The following ANAPC2 variants were observed in gnomAD, a reference collection of about 807,000 sequenced individuals.
The protein encoded by ANAPC2 is anaphase-promoting complex subunit 2.
In ANAPC2, 29 loss-of-function variants were observed where a neutral mutation model predicts 84.3. The observed-to-expected ratio is 0.34, with a 90% CI of 0.26 to 0.47. The LOEUF is 0.47. ANAPC2 is among the 20% of genes least tolerant of loss of function. The pLI, the probability that ANAPC2 is intolerant of heterozygous loss-of-function variation, is 1.00. For missense variants in ANAPC2, 857 were observed against 1,131.7 expected, an observed-to-expected ratio of 0.76 and a Z score of 3.48; for synonymous variants, 571 against 479.4, an observed-to-expected ratio of 1.19 and a Z score of -2.50.
At chr9:137,185,154 G>A in intron 3 of ANAPC2, 67 bp from the exon 4 acceptor site, 1 of 1,419,722 alleles carries the variant, frequency 7.0e-7, no homozygotes, top group Non-Finnish European at 9.3e-7. Flanking sequence ...TCAGAGGCTG[G>A]GAGGAGCCTC....
At chr9:137,180,660 C>CA in intron 8 of ANAPC2, 128 bp downstream of exon 8, 1 of 1,563,860 alleles carries the variant, frequency 6.4e-7, no homozygotes, top group Non-Finnish European at 8.7e-7. Flanking sequence ...AGCACACCCC[C>CA]AGCCAGGAGT....
rs369701679 is a variant in ANAPC2 at position 137,185,034 on chromosome 9, G to A, written c.927C>T (p.Pro309=). Reference sequence around the variant, plus strand: ...CGGCCTCGGGAGATGCGGGCCTGGCGGGGCCGTCCTGCAGGAACACCTTGC... The same window carrying A: ...CGGCCTCGGGAGATGCGGGCCTGGCAGGGCCGTCCTGCAGGAACACCTTGC... The part of the protein sequence containing the change: ...WLGKVFLQDG[P]ARPASPEAGN... The change falls in exon 4 of 13, where the codon CCC becomes CCT. Residue 309 remains proline, a synonymous_variant. Coordinates refer to ENST00000323927, the MANE Select transcript of ANAPC2 (RefSeq NM_013366.4). The A allele has an allele frequency of 3.3e-4, 520 of 1,584,576 alleles. 1 individual carries two copies. Among genetic ancestry groups the A allele is most frequent in the Non-Finnish European group, 4.0e-4 (468 of 1,167,532 alleles).
Position 137,187,910 on chromosome 9 carries a change from T to C in ANAPC2, c.311A>G (p.Glu104Gly), listed in dbSNP as rs2131343511. Residue 104 changes from glutamate to glycine, a missense_variant, in exon 2 of 13, where the codon GAG (glutamate) becomes GGG (glycine). Glu to Gly is a moderately conservative substitution (Grantham distance 98). Transcript: ENST00000323927. Reference sequence around the variant, plus strand: ...AAGGAGTAGCAAAAGGCACTGGGGCTCATCCGCAGAGTTCTCGCATTGGGA... The same window carrying C: ...AAGGAGTAGCAAAAGGCACTGGGGCCCATCCGCAGAGTTCTCGCATTGGGA... Reference protein sequence around the residue: ...AISQCENSADEPQCLLLLLDA... With the variant: ...AISQCENSADGPQCLLLLLDA... The C allele has an allele frequency of 6.2e-7, 1 of 1,613,798 alleles. No individual in the cohort carries two copies. The highest frequency in any genetic ancestry group is 1.3e-5 in the African/African-American group (1 of 75,038).
intron 4 of ANAPC2, among the ~76,000 whole-genome samples, chr9:137,184,154 G>A (rs1834403951): frequency 6.6e-6 from 1 of 152,260 alleles, no homozygotes; most frequent in African/African-American, 2.4e-5. Flanking sequence ...CCCCCTGCAA[G>A]AGCGACAGCG....
chr9:137,177,020 A>T (rs1474814198), intron 10 of ANAPC2: 18 of 152,240 alleles, frequency 1.2e-4, no homozygotes. Flanking sequence ...TTTGCTAGAC[A>T]TGAGGTGTGA....
In ANAPC2 at chr9:137,187,364, G is replaced by C. The variant is rs1231795686; in HGVS notation, c.740+117C>G. On this transcript the variant is annotated intron_variant, in intron 2 of 12. Coordinates refer to ENST00000323927, the MANE Select transcript of ANAPC2 (RefSeq NM_013366.4). ...CAGGAATCCCTGGGACTCTCTCTCT[G>C]TCATGTTCCTGGTTATCAGGACGGC... is the stretch of plus-strand genomic sequence containing the variant. The C allele has an allele frequency of 3.7e-6, 5 of 1,350,914 alleles. No individual in the cohort carries two copies. In the African/African-American group the frequency reaches 5.9e-5, roughly 16 times the overall value. 83.7% of individuals were successfully genotyped at this position (1,350,914 alleles called of 1,614,324 possible).
At position 137,186,142 on chromosome 9, in the gene ANAPC2, G is replaced by A. The variant is rs1834462916; in HGVS notation, c.873+82C>T. Reference sequence around the variant, plus strand: ...CCACCCAGGCCTCCGTGCTCTGGATGCTTCTGAAGCCAGGTGTCAGGTTTG... The same window carrying A: ...CCACCCAGGCCTCCGTGCTCTGGATACTTCTGAAGCCAGGTGTCAGGTTTG... On this transcript the variant is annotated intron_variant, in intron 3 of 12. Transcript: ENST00000323927. 5.7e-6 allele frequency: 9 copies of A among 1,568,960 alleles called. No individual in the cohort carries two copies. The East Asian group carries it at 2.0e-4, about 36-fold the overall frequency.
At position 137,180,803 on chromosome 9, in the gene ANAPC2, C is replaced by T; in HGVS notation, c.1595G>A (p.Ser532Asn). 6.2e-7 allele frequency: 1 copy of T among 1,611,932 alleles called. No individual in the cohort carries two copies. The highest frequency in any genetic ancestry group is 1.1e-5 in the South Asian group (1 of 91,080). Reference protein sequence around the residue: ...LLADRLLHQFSFSPEREIRNV... With the variant: ...LLADRLLHQFNFSPEREIRNV... The stretch of plus-strand genomic sequence containing the variant: ...CAGGCCTCACCGCTCGGGGCTGAAG[C>T]TGAACTGGTGCAGCAGGCGGTCGGC... The change falls in exon 8 of 13, where the codon AGC becomes AAC. Residue 532 changes from serine (S) to asparagine (N), a missense_variant. Around this residue, in one of 3 missense-constraint regions of ANAPC2, gnomAD observed 425 missense variants for 595.5 expected, o/e 0.71. Coordinates refer to ENST00000323927, the MANE Select transcript of ANAPC2 (RefSeq NM_013366.4).
At chr9:137,182,040 A>G (rs1046591288) in intron 6 of ANAPC2, among the ~76,000 whole-genome samples, 178 bp from the exon 7 acceptor site, 2 of 152,040 alleles carry the variant, frequency 1.3e-5, no homozygotes, top group African/African-American at 4.8e-5. Context: ...AAATAAACCC[A>G]ACGTTACTTG....
intron 3 of ANAPC2, 102 bp downstream of exon 3, chr9:137,186,122 C>T: frequency 6.6e-7 from 1 of 1,525,500 alleles, no homozygotes; most frequent in African/African-American, 1.4e-5. Flanking sequence ...TGGGCCCACC[C>T]AGGCCTCCGT....
chr9:137,174,937 A>G lies in ANAPC2; in HGVS notation c.*5T>C, dbSNP rs1198509405. ...TGGCGGGCGGGCGGGCGGGCGGGCGATGTGTCAGCTGCAGTTCTTGGGCAG... is the reference window on the plus strand; with the variant it reads ...TGGCGGGCGGGCGGGCGGGCGGGCGGTGTGTCAGCTGCAGTTCTTGGGCAG... On this transcript the variant is annotated 3_prime_UTR_variant, in exon 13 of 13. Transcript: ENST00000323927. The surrounding 1 kb of genome is among the most constrained non-coding windows in gnomAD (Gnocchi z 6.1). The G allele has an allele frequency of 1.3e-6, 2 of 1,534,198 alleles. No individual in the cohort carries two copies. The highest frequency in any genetic ancestry group is 1.4e-5 in the African/African-American group (1 of 73,000).
chr9:137,181,732 C>T lies in ANAPC2; in HGVS notation c.1417G>A (p.Asp473Asn), dbSNP rs765313489. 6.9e-5 allele frequency: 112 copies of T among 1,612,222 alleles called. No individual in the cohort carries two copies. Among genetic ancestry groups the T allele is most frequent in the Non-Finnish European group, 9.3e-5 (110 of 1,179,802 alleles). ...SLETGQDSED[D>N]SGEPEDWVPD... ...ACCCAGTCCTCTGGCTCGCCTGAGT[C>T]ATCCTCACTGTCCTGGCCTGTCTCC... Residue 473 changes from aspartate to asparagine, a missense_variant, in exon 7 of 13, where the codon GAC becomes AAC. By Grantham distance (23) the Asp-to-Asn change is conservative (BLOSUM62 1). Around this residue, in one of 3 missense-constraint regions of ANAPC2, gnomAD observed 425 missense variants for 595.5 expected, o/e 0.71. Transcript: ENST00000323927.
chr9:137,179,964 C>T (rs919772563), intron 10 of ANAPC2, among the ~76,000 whole-genome samples: 1 of 152,252 alleles, frequency 6.6e-6, no homozygotes, highest in Non-Finnish European at 1.5e-5. Context: ...GTGGGCCGCG[C>T]GGACGCTCGC....
intron 5 of ANAPC2, 147 bp downstream of exon 5, chr9:137,183,525 A>G: frequency 1.6e-6 from 2 of 1,256,728 alleles, no homozygotes; most frequent in Non-Finnish European, 2.1e-6. Flanking sequence ...CAGATCCCCT[A>G]AGGACCTCAC....
intron 10 of ANAPC2, chr9:137,176,141 G>GTGGAAATGTGGCCATATTTGCAAA: frequency 1.0e-4 from 28 of 281,058 alleles, no homozygotes; most frequent in African/African-American, 5.4e-4. Context: ...TAACTGAGGT[G>GTGGAAATGTGGCCATATTTGCAAA]CATCCTAACC....
chr9:137,180,560 G>A, intron 8 of ANAPC2, 33 bp from the exon 9 acceptor site: 1 of 1,611,644 alleles, frequency 6.2e-7, no homozygotes. Flanking sequence ...AGGGGGTCGT[G>A]ATGAGCCCCA....
rs750976705 is a variant in ANAPC2 at position 137,185,125 on chromosome 9, T to A, written c.874-38A>T. 1.7e-5 allele frequency: 25 copies of A among 1,486,844 alleles called. No homozygotes were observed. In the South Asian group the frequency reaches 3.3e-4, roughly 20 times the overall value. 92.1% of individuals were successfully genotyped at this position (1,486,844 alleles called of 1,614,324 possible). A position where few individuals can be genotyped will look rare whatever the true frequency, so the allele number is the denominator to read the frequency against. On this transcript the variant is annotated intron_variant, in intron 3 of 12. Coordinates refer to ENST00000323927, the MANE Select transcript of ANAPC2 (RefSeq NM_013366.4). ...CGCTAGTGTGAGCTGCAGGGAGGCA[T>A]GGTGAGCCCCGGGCTGACTCAGAGG...
intron 5 of ANAPC2, 182 bp downstream of exon 5, chr9:137,183,490 G>A (rs1396170742): frequency 6.0e-6 from 6 of 998,936 alleles, no homozygotes; most frequent in South Asian, 5.1e-5. Context: ...CTCCAAAGAA[G>A]AAACAAGCAA....
chr9:137,185,217 G>A (rs1303294307), intron 3 of ANAPC2, 130 bp from the exon 4 acceptor site: 27 of 971,432 alleles, frequency 2.8e-5, no homozygotes, highest in African/African-American at 1.5e-4. Flanking sequence ...GGCCACCTGC[G>A]TCTGGAGGCT....
Sources: allele counts gnomAD v4.1 joint callset (sites outside exome capture counted in the v4.1 genomes callset), GRCh38; gene constraint gnomAD v4.1.1; regional missense constraint gnomAD v4.1.1; non-coding constraint Gnocchi (gnomAD v3.1); transcripts MANE v1.5; gene names NCBI Gene and HGNC (gene_info 2026-07-23, HGNC 2026-07-21).